GUCY1B1: variants seen among roughly 807,000 people sequenced by gnomAD.
The protein encoded by GUCY1B1 is guanylate cyclase soluble subunit beta-1.
In GUCY1B1, 43 loss-of-function variants were observed where a neutral mutation model predicts 71.0. The ratio of observed to expected loss-of-function variants is 0.61; its 90% CI spans 0.47 to 0.78. The LOEUF (loss-of-function observed/expected upper bound fraction) is 0.78. Ranked by LOEUF, GUCY1B1 falls within the 30% of genes least tolerant of loss-of-function variation. The pLI is 0.00. For synonymous variants in GUCY1B1, 266 were observed against 259.7 expected, an observed-to-expected ratio of 1.02 and a Z score of -0.23; for missense variants, 535 against 754.1, an observed-to-expected ratio of 0.71 and a Z score of 3.40.
In GUCY1B1 at chr4:155,759,777, GTCCCCGCA is replaced by G; in HGVS notation, c.4-9_4-2del. The G allele has an allele frequency of 6.2e-7, 1 of 1,609,026 alleles. No homozygotes were observed. Among genetic ancestry groups the G allele is most frequent in the Non-Finnish European group, 8.5e-7 (1 of 1,175,708 alleles). On this transcript the variant is annotated splice_acceptor_variant and splice_polypyrimidine_tract_variant and intron_variant, in intron 1 of 13. Coordinates refer to ENST00000264424, the MANE Select transcript of GUCY1B1 (RefSeq NM_000857.5). LOFTEE classifies it high-confidence loss of function. ...GTCCCTGACGCTCAAGTCTCTCCCT[GTCCCCGCA>G]GTACGGATTTGTGAATCACGCCCTG... is the stretch of plus-strand genomic sequence containing the variant.
chr4:155,777,494 T>C (rs774594834), intron 3 of GUCY1B1, 30 bp from the exon 4 acceptor site: 1 of 1,115,404 alleles, frequency 9.0e-7, no homozygotes, highest in Non-Finnish European at 1.4e-6. Context: ...TATTATATGC[T>C]TTTTTTCCCC....
chr4:155,779,725 A>G (rs1241566369), intron 4 of GUCY1B1, among the ~76,000 whole-genome samples: 1 of 152,240 alleles, frequency 6.6e-6, no homozygotes, highest in African/African-American at 2.4e-5. Context: ...CAGAAATTAA[A>G]TGGACTTTTT....
intron 8 of GUCY1B1, among the ~76,000 whole-genome samples, chr4:155,797,067 A>C (rs185998326): frequency 3.7e-4 from 57 of 152,320 alleles, no homozygotes; most frequent in Non-Finnish European, 5.9e-4. Flanking sequence ...GAGAAAAATA[A>C]AACTATAGAT....
intron 2 of GUCY1B1, 61 bp from the exon 3 acceptor site, chr4:155,774,907 A>G (rs1357086857): frequency 1.1e-6 from 1 of 895,414 alleles, no homozygotes; most frequent in Non-Finnish European, 1.9e-6. Context: ...TATTATACTT[A>G]TAGTAGCTAT....
chr4:155,779,453 G>C (rs184815381), intron 4 of GUCY1B1, among the ~76,000 whole-genome samples: 1 of 151,958 alleles, frequency 6.6e-6, no homozygotes, highest in African/African-American at 2.4e-5. Flanking sequence ...TTAATATTTT[G>C]GATATATTTG....
In GUCY1B1 at chr4:155,794,038, C is replaced by T; in HGVS notation, c.678C>T (p.Asp226=). ...AFPFHIIFDR[D]LVVTQCGNAI... The stretch of plus-strand genomic sequence containing the variant: ...CTTTTCATATAATATTTGACCGGGA[C>T]CTAGTGGTCACTCAGTGTGGCAATG... Residue 226 remains aspartate, a synonymous_variant, in exon 6 of 14, where the codon GAC becomes GAT. Transcript: ENST00000264424. The T allele has an allele frequency of 6.2e-7, 1 of 1,612,308 alleles. No homozygotes were observed. The highest frequency in any genetic ancestry group is 8.5e-7 in the Non-Finnish European group (1 of 1,178,418).
chr4:155,775,449 C>T (rs1297396416), intron 3 of GUCY1B1, among the ~76,000 whole-genome samples: 3 of 152,140 alleles, frequency 2.0e-5, no homozygotes, highest in Non-Finnish European at 2.9e-5. Context: ...CGCACCACCA[C>T]GCCCAGCTAA....
rs532664504 is a variant in GUCY1B1, at chr4:155,797,925, A to T, written c.977+1415A>T. On this transcript the variant is annotated intron_variant, in intron 8 of 13. Coordinates refer to ENST00000264424, the MANE Select transcript of GUCY1B1 (RefSeq NM_000857.5). Reference sequence around the variant, plus strand: ...AAACTAAGAAACATAAACGCTTTTTAAAAAAATTATTAAGCTACATTGATC... The same window carrying T: ...AAACTAAGAAACATAAACGCTTTTTTAAAAAATTATTAAGCTACATTGATC... Among the ~76,000 whole-genome samples, 11 of 152,116 alleles carry T rather than the reference A, an allele frequency of 7.2e-5. No individual in the cohort carries two copies. In the South Asian group the frequency reaches 1.5e-3, roughly 20 times the overall value.
At chr4:155,805,329 C>A in intron 13 of GUCY1B1, 100 bp downstream of exon 13, 1 of 1,018,568 alleles carries the variant, frequency 9.8e-7, no homozygotes, top group Non-Finnish European at 1.4e-6. Context: ...GAAAAGAATT[C>A]TTGCTAACAG....
At chr4:155,795,122 C>T (rs1739455989) in intron 6 of GUCY1B1, among the ~76,000 whole-genome samples, 2 of 152,124 alleles carry the variant, frequency 1.3e-5, no homozygotes, top group African/African-American at 4.8e-5. Context: ...GAATCCATAT[C>T]AGATTTCATG....
At chr4:155,798,324 C>T (rs1295442076) in intron 8 of GUCY1B1, among the ~76,000 whole-genome samples, 2 of 152,116 alleles carry the variant, frequency 1.3e-5, no homozygotes, top group African/African-American at 2.4e-5. Context: ...TTTAGAACCA[C>T]GAGACCGTTA....
In GUCY1B1 at chr4:155,793,885, T is replaced by C. The variant is rs756490702; in HGVS notation, c.525T>C (p.Asp175=). 2.6e-6 allele frequency: 4 copies of C among 1,541,840 alleles called. No individual in the cohort carries two copies. Among genetic ancestry groups the C allele is most frequent in the African/African-American group, 1.4e-5 (1 of 73,546 alleles). Residue 175 remains aspartate, a synonymous_variant, in exon 6 of 14, where the codon GAT becomes GAC. Coordinates refer to ENST00000264424, the MANE Select transcript of GUCY1B1 (RefSeq NM_000857.5). ...KVIQQRNEEC[D]HTQFLIEEKE... ...TTCAGCAAAGAAATGAAGAATGTGA[T>C]CATACTCAATTTTTAATTGAAGAAA...
intron 4 of GUCY1B1, among the ~76,000 whole-genome samples, chr4:155,781,971 AT>A (rs1267824026): frequency 6.6e-6 from 1 of 152,152 alleles, no homozygotes; most frequent in East Asian, 1.9e-4. Flanking sequence ...TTCAGTAAGA[AT>A]TTTGTCTAGT....
At position 155,806,923 on chromosome 4, in the gene GUCY1B1, G is replaced by GA. The variant is rs1482731201; in HGVS notation, c.*520dup. The GA allele has an allele frequency of 6.6e-6, 1 of 152,054 alleles. No individual in the cohort carries two copies. Among genetic ancestry groups the GA allele is most frequent in the Non-Finnish European group, 1.5e-5 (1 of 68,064 alleles). 9.4% of individuals were successfully genotyped at this position (152,054 alleles called of 1,614,324 possible). A position where few individuals can be genotyped will look rare whatever the true frequency, so the allele number is the denominator to read the frequency against. ...AAGGAGTGAATTCTAAGTTTTAGGG[G>GA]AAAAAATGCAATTTATTTTCAGACT... On this transcript the variant is annotated 3_prime_UTR_variant, in exon 14 of 14. Coordinates refer to ENST00000264424, the MANE Select transcript of GUCY1B1 (RefSeq NM_000857.5).
intron 4 of GUCY1B1, among the ~76,000 whole-genome samples, chr4:155,782,956 T>G (rs1738537219): frequency 6.6e-6 from 1 of 152,180 alleles, no homozygotes; most frequent in African/African-American, 2.4e-5. Context: ...ACCAGCCTGC[T>G]CCGGCATTCT....
At chr4:155,785,997 A>C (rs1288230261) in intron 4 of GUCY1B1, among the ~76,000 whole-genome samples, 1 of 152,096 alleles carries the variant, frequency 6.6e-6, no homozygotes, top group Non-Finnish European at 1.5e-5. Context: ...TGCAGTGCCT[A>C]TCTTTAGTGA....
At chr4:155,783,473 G>A (rs17033510) in intron 4 of GUCY1B1, among the ~76,000 whole-genome samples, 9,387 of 152,234 alleles carry the variant, frequency 0.062, 344 homozygotes, top group African/African-American at 0.067. Flanking sequence ...AGTTAGATCA[G>A]CGTTCTTTCA....
intron 2 of GUCY1B1, among the ~76,000 whole-genome samples, chr4:155,768,429 T>C (rs1737484024): frequency 6.6e-6 from 1 of 150,796 alleles, no homozygotes; most frequent in Admixed American, 6.6e-5. Flanking sequence ...TGATGGACTT[T>C]TGTTAGTAAT....
intron 2 of GUCY1B1, among the ~76,000 whole-genome samples, chr4:155,769,077 A>C (rs553211360): frequency 3.9e-5 from 6 of 152,024 alleles, no homozygotes; most frequent in Non-Finnish European, 7.4e-5. Context: ...ATCTTCTCCA[A>C]CTACTATAAC....
Sources: allele counts gnomAD v4.1 joint callset (sites outside exome capture counted in the v4.1 genomes callset), GRCh38; gene constraint gnomAD v4.1.1; transcripts MANE v1.5; gene names NCBI Gene and HGNC (gene_info 2026-07-23, HGNC 2026-07-21).